Variants in NAA25 observed in about 807,000 individuals in gnomAD.
NAA25 encodes the protein N-alpha-acetyltransferase 25, NatB auxiliary subunit.
A neutral mutation model predicts 132.5 loss-of-function variants in NAA25; 30 were observed. The ratio of observed to expected loss-of-function variants is 0.23; its 90% CI spans 0.17 to 0.31. The LOEUF is 0.31. NAA25 is among the 10% of genes least tolerant of loss of function. The pLI, the probability that NAA25 is intolerant of heterozygous loss-of-function variation, is 1.00. For missense variants in NAA25, 771 were observed against 1,150.4 expected, an observed-to-expected ratio of 0.67 and a Z score of 4.77; for synonymous variants, 359 against 401.9, an observed-to-expected ratio of 0.89 and a Z score of 1.28.
rs1490406946 is a variant in NAA25 at position 112,074,750 on chromosome 12, T to C, written c.791A>G (p.Gln264Arg). The C allele has an allele frequency of 1.2e-6, 2 of 1,610,888 alleles. No homozygotes were observed. The highest frequency in any genetic ancestry group is 1.1e-5 in the South Asian group (1 of 90,364). ...RLLLKNSDDW[Q>R]FYLTYFDSVF... ...AGAATCGAAATAAGTCAGATAGAAC[T>C]GCCAGTCATCTGAGCTAAAATCAGA... Residue 264 changes from glutamine (Q) to arginine (R), a missense_variant, in exon 9 of 24, where the codon CAG becomes CGG. Around this residue, in one of 3 missense-constraint regions of NAA25, gnomAD observed 417 missense variants for 733.8 expected, o/e 0.57. Coordinates refer to ENST00000261745, the MANE Select transcript of NAA25 (RefSeq NM_024953.4).
chr12:112,043,584 T>C lies in NAA25; in HGVS notation c.2250+41A>G, dbSNP rs1427097406. The stretch of plus-strand genomic sequence containing the variant: ...CCTGTTTATAAAACAGTCATAAATA[T>C]AATTATTGCAACTTTGATGGTAAAT... On this transcript the variant is annotated intron_variant, in intron 18 of 23. Coordinates refer to ENST00000261745, the MANE Select transcript of NAA25 (RefSeq NM_024953.4). The C allele has an allele frequency of 3.1e-6, 5 of 1,605,308 alleles. No homozygotes were observed. The African/African-American group carries it at 5.4e-5, about 17-fold the overall frequency.
chr12:112,075,318 G>C (rs1482597226), intron 8 of NAA25, among the ~76,000 whole-genome samples: 1 of 151,858 alleles, frequency 6.6e-6, no homozygotes, highest in East Asian at 1.9e-4. Context: ...CTTCCCGAGG[G>C]GCTGGGACTA....
intron 4 of NAA25, among the ~76,000 whole-genome samples, chr12:112,082,730 A>C (rs2078989988): frequency 7.0e-6 from 1 of 143,496 alleles, no homozygotes; most frequent in Admixed American, 7.0e-5. Context: ...AAGCCCCTCC[A>C]AAGTAGCCAT....
At chr12:112,087,588 C>T (rs1018431867) in intron 4 of NAA25, 95 bp downstream of exon 4, 3 of 747,462 alleles carry the variant, frequency 4.0e-6, no homozygotes, top group East Asian at 2.6e-5. Context: ...TTCAATTCTA[C>T]ACACACACAT....
At chr12:112,074,604 C>T in intron 9 of NAA25, 71 bp downstream of exon 9, 1 of 806,028 alleles carries the variant, frequency 1.2e-6, no homozygotes, top group Non-Finnish European at 2.0e-6. Flanking sequence ...ATTCAATTGG[C>T]TTATAATGAA....
intron 4 of NAA25, among the ~76,000 whole-genome samples, chr12:112,085,407 GA>G (rs1449306558): frequency 6.6e-6 from 1 of 151,918 alleles, no homozygotes; most frequent in Non-Finnish European, 1.5e-5. Flanking sequence ...AAAAGAAAAA[GA>G]AAAAAGAAAG....
rs928100991 is a variant in NAA25 at position 112,072,953 on chromosome 12, G to T, written c.867-889C>A. 2.6e-5 allele frequency among the ~76,000 whole-genome samples: 4 copies of T among 151,676 alleles called. No individual in the cohort carries two copies. The East Asian group carries it at 7.8e-4, about 30-fold the overall frequency. ...GACCCCATCTCAAAAAGAAAAAAAG[G>T]CCAGGCACGGTGGCTCACACCTGTA... is the stretch of plus-strand genomic sequence containing the variant. On this transcript the variant is annotated intron_variant, in intron 9 of 23. Transcript: ENST00000261745.
At chr12:112,033,609 C>A in intron 22 of NAA25, 1 of 292,084 alleles carries the variant, frequency 3.4e-6, no homozygotes, top group Non-Finnish European at 6.2e-6. Context: ...AAAAAAAAAT[C>A]CATCAAAGCA....
At chr12:112,061,744 T>C (rs1032161126) in intron 11 of NAA25, among the ~76,000 whole-genome samples, 2 of 152,094 alleles carry the variant, frequency 1.3e-5, no homozygotes, top group African/African-American at 2.4e-5. Flanking sequence ...AGGAAGACTA[T>C]AGAAAAGAGC....
intron 4 of NAA25, among the ~76,000 whole-genome samples, chr12:112,084,188 A>G (rs1402075157): frequency 6.6e-6 from 1 of 152,204 alleles, no homozygotes; most frequent in Non-Finnish European, 1.5e-5. Flanking sequence ...CTCTTCATTT[A>G]TGGTGGTTTC....
chr12:112,099,797 G>C (rs958392211), intron 1 of NAA25, among the ~76,000 whole-genome samples: 1 of 152,136 alleles, frequency 6.6e-6, no homozygotes, highest in Non-Finnish European at 1.5e-5. Flanking sequence ...TATCAATTTT[G>C]CAAATAAAAA....
chr12:112,090,606 C>T (rs1254876209), intron 3 of NAA25, 120 bp downstream of exon 3: 19 of 953,910 alleles, frequency 2.0e-5, no homozygotes, highest in Admixed American at 8.3e-5. Context: ...CTGGCTAATG[C>T]GTTATTCTAC....
chr12:112,086,102 A>ACACACACACACACACCCC lies in NAA25; in HGVS notation c.402+1580_402+1581insGGGGTGTGTGTGTGTGTG, dbSNP rs796241170. Among the ~76,000 whole-genome samples, 6 of 120,798 alleles carry ACACACACACACACACCCC rather than the reference A, an allele frequency of 5.0e-5. No homozygotes were observed. In the East Asian group the frequency reaches 1.2e-3, roughly 24 times the overall value. 79.2% of individuals were successfully genotyped at this position (120,798 alleles called of 152,430 possible). On this transcript the variant is annotated intron_variant, in intron 4 of 23. Transcript: ENST00000261745. ...CACACACACACACACACACACACACACCCATAACCATTTTACATTTTTAAA... is the reference window on the plus strand; with the variant it reads ...CACACACACACACACACACACACACACACACACACACACACCCCCCCATAACCATTTTACATTTTTAAA...
Position 112,029,267 on chromosome 12 carries a change from T to C in NAA25, c.*264A>G, listed in dbSNP as rs2078119358. The C allele has an allele frequency of 2.5e-6, 1 of 395,652 alleles. No individual in the cohort carries two copies. Among genetic ancestry groups the C allele is most frequent in the South Asian group, 4.5e-5 (1 of 22,400 alleles). 24.5% of individuals were successfully genotyped at this position (395,652 alleles called of 1,614,324 possible). A position where few individuals can be genotyped will look rare whatever the true frequency, so the allele number is the denominator to read the frequency against. On this transcript the variant is annotated 3_prime_UTR_variant, in exon 24 of 24. Coordinates refer to ENST00000261745, the MANE Select transcript of NAA25 (RefSeq NM_024953.4). ...TTTCTGGTGATGGGAAGAAGAAAAG[T>C]AGGGTTCTCTTGTTGCTGCCATATG...
chr12:112,071,721 A>C (rs1340039931), intron 10 of NAA25, among the ~76,000 whole-genome samples, 174 bp downstream of exon 10: 1 of 152,242 alleles, frequency 6.6e-6, no homozygotes, highest in Non-Finnish European at 1.5e-5. Flanking sequence ...GCCAAGGTGA[A>C]TATATGATAA....
At chr12:112,043,890 A>G in intron 17 of NAA25, 22 bp from the exon 18 acceptor site, 4 of 1,601,444 alleles carry the variant, frequency 2.5e-6, no homozygotes, top group Non-Finnish European at 3.4e-6. Flanking sequence ...ACATCCCCAA[A>G]TTATCTAACT....
At chr12:112,075,549 A>G in intron 8 of NAA25, 129 bp downstream of exon 8, 2 of 679,244 alleles carry the variant, frequency 2.9e-6, no homozygotes, top group East Asian at 2.8e-5. Flanking sequence ...TTTTAGAAAC[A>G]TGCAGGACAC....
intron 23 of NAA25, among the ~76,000 whole-genome samples, chr12:112,030,959 TAA>T (rs1393793366): frequency 6.6e-6 from 1 of 151,128 alleles, no homozygotes; most frequent in Admixed American, 6.6e-5. Context: ...TTTTTTTTTT[TAA>T]AAGAGGCAGG....
At chr12:112,031,098 G>A (rs1202927210) in intron 23 of NAA25, among the ~76,000 whole-genome samples, 4 of 152,192 alleles carry the variant, frequency 2.6e-5, no homozygotes, top group Non-Finnish European at 5.9e-5. Flanking sequence ...ATTTTTTAAA[G>A]TACAAAATAA....
Sources: gnomAD v4.1 joint callset for allele counts (sites outside exome capture counted in the v4.1 genomes callset) on GRCh38, gnomAD v4.1.1 for gene constraint, gnomAD v4.1.1 regional missense constraint, MANE v1.5 for transcripts, NCBI Gene and HGNC (gene_info 2026-07-23, HGNC 2026-07-21) for gene names.